ERBB4: variants seen among roughly 807,000 people sequenced by gnomAD.
ERBB4 encodes erb-b2 receptor tyrosine kinase 4.
In ERBB4, 42 loss-of-function variants were observed where a neutral mutation model predicts 158.0. The ratio of observed to expected loss-of-function variants is 0.27; its 90% confidence interval spans 0.21 to 0.34. ERBB4 has a LOEUF of 0.34. Ranked by LOEUF, ERBB4 falls within the 10% of genes least tolerant of loss-of-function variation. The probability of loss-of-function intolerance (pLI) is 1.00; values close to 1 mark genes in which losing one functional copy is unlikely to be tolerated. For synonymous variants in ERBB4, 583 were observed against 558.7 expected (o/e 1.04, Z -0.61); for missense variants, 1,333 against 1,624.1 (o/e 0.82, Z 3.08).
At chr2:211,984,003 C>T (rs2081872599) in intron 2 of ERBB4, among the ~76,000 whole-genome samples, 1 of 152,086 alleles carries the variant, frequency 6.6e-6, no homozygotes, top group Admixed American at 6.5e-5. Context: ...AATCTATAAA[C>T]AAGAGAAATG....
chr2:212,385,184 C>T (rs966101112), intron 1 of ERBB4, among the ~76,000 whole-genome samples: 1 of 151,482 alleles, frequency 6.6e-6, no homozygotes, highest in Non-Finnish European at 1.5e-5. Context: ...CAGGCAATGG[C>T]TGTAAAAATG....
chr2:212,064,129 C>T (rs1266295838), intron 2 of ERBB4, among the ~76,000 whole-genome samples: 1 of 151,838 alleles, frequency 6.6e-6, no homozygotes, highest in African/African-American at 2.4e-5. Flanking sequence ...GAAGTAATTC[C>T]CCAGAAGGAA....
chr2:211,774,064 C>T (rs1304749858), intron 4 of ERBB4, among the ~76,000 whole-genome samples: 1 of 149,772 alleles, frequency 6.7e-6, no homozygotes, highest in Non-Finnish European at 1.5e-5. Context: ...TCTGTGGTCA[C>T]CCCAACCAAT....
At chr2:211,660,740 A>T (rs1053079940) in intron 15 of ERBB4, among the ~76,000 whole-genome samples, 1 of 152,228 alleles carries the variant, frequency 6.6e-6, no homozygotes, top group African/African-American at 2.4e-5. Flanking sequence ...AGAAGATATA[A>T]AAAGTAAGAA....
At chr2:212,233,828 T>C (rs2083749662) in intron 1 of ERBB4, among the ~76,000 whole-genome samples, 1 of 152,096 alleles carries the variant, frequency 6.6e-6, no homozygotes, top group Non-Finnish European at 1.5e-5. Context: ...TACACTTTTG[T>C]GCATGTATTT....
chr2:212,266,491 T>C (rs191306926), intron 1 of ERBB4, among the ~76,000 whole-genome samples: 1 of 152,048 alleles, frequency 6.6e-6, no homozygotes, highest in East Asian at 1.9e-4. Flanking sequence ...AGGCTTTCGA[T>C]TTTTTTAAAG....
At chr2:212,176,955 A>G (rs1469820846) in intron 1 of ERBB4, among the ~76,000 whole-genome samples, 9 of 151,950 alleles carry the variant, frequency 5.9e-5, no homozygotes, top group Non-Finnish European at 1.3e-4. Context: ...TTAAACTAAA[A>G]TAATTCTTTT....
At chr2:211,501,533 TTGTG>T (rs1559232368) in intron 20 of ERBB4, among the ~76,000 whole-genome samples, 1 of 151,828 alleles carries the variant, frequency 6.6e-6, no homozygotes, top group African/African-American at 2.4e-5. Flanking sequence ...TTTGATTTGC[TTGTG>T]TGTTTTTTTT....
intron 20 of ERBB4, among the ~76,000 whole-genome samples, chr2:211,497,088 T>C (rs2125583528): frequency 6.6e-6 from 1 of 152,274 alleles, no homozygotes; most frequent in South Asian, 2.1e-4. Flanking sequence ...ATTTATTGAA[T>C]GCATGCATGA....
At chr2:212,421,979 GA>G (rs1374974722) in intron 1 of ERBB4, among the ~76,000 whole-genome samples, 1 of 152,140 alleles carries the variant, frequency 6.6e-6, no homozygotes, top group Non-Finnish European at 1.5e-5. Context: ...CAAACATGCA[GA>G]AAAGAGTTAT....
In ERBB4 at chr2:212,155,210, A is replaced by AAAT. The variant is rs138135081; in HGVS notation, c.83-30310_83-30308dup. Among the ~76,000 whole-genome samples, 534 of 152,252 alleles carry AAAT rather than the reference A, an allele frequency of 3.5e-3. 2 individuals carry two copies. The highest frequency in any genetic ancestry group is 0.012 in the African/African-American group (509 of 41,548). ...TTTCAGAGAAAAATGTTGATGCGAC[A>AAAT]AATAATAACTCATAATTATTTACCC... On this transcript the variant is annotated intron_variant, in intron 1 of 27. Transcript: ENST00000342788.
At chr2:212,236,239 A>C (rs1242434562) in intron 1 of ERBB4, among the ~76,000 whole-genome samples, 1 of 152,044 alleles carries the variant, frequency 6.6e-6, no homozygotes, top group Admixed American at 6.6e-5. Flanking sequence ...GGTTTTTGTC[A>C]TTGGTTTTGT....
At chr2:212,298,561 C>G (rs2086502106) in intron 1 of ERBB4, among the ~76,000 whole-genome samples, 1 of 151,694 alleles carries the variant, frequency 6.6e-6, no homozygotes, top group Non-Finnish European at 1.5e-5. Context: ...GTAGGCAAGA[C>G]AAGAGTAGTA....
chr2:212,398,338 A>C (rs1311560007), intron 1 of ERBB4, among the ~76,000 whole-genome samples: 2 of 152,082 alleles, frequency 1.3e-5, no homozygotes. Flanking sequence ...GTATTAGTAA[A>C]ACCAAACTTT....
chr2:212,443,110 G>C (rs548377738), intron 1 of ERBB4, among the ~76,000 whole-genome samples: 1 of 152,160 alleles, frequency 6.6e-6, no homozygotes, highest in African/African-American at 2.4e-5. Context: ...ATTCCTGTCC[G>C]TAAGGCCCAC....
chr2:212,442,352 C>T (rs1194936404), intron 1 of ERBB4, among the ~76,000 whole-genome samples: 2 of 152,240 alleles, frequency 1.3e-5, no homozygotes, highest in Admixed American at 6.5e-5. Flanking sequence ...AGGCTGGGTC[C>T]CTTTGAGGAA....
At chr2:211,506,882 A>C (rs1428482526) in intron 20 of ERBB4, among the ~76,000 whole-genome samples, 1 of 152,112 alleles carries the variant, frequency 6.6e-6, no homozygotes, top group Admixed American at 6.5e-5. Context: ...AGCAGAACTA[A>C]ATGAGATTGA....
At chr2:212,379,808 T>C (rs1005158036) in intron 1 of ERBB4, among the ~76,000 whole-genome samples, 2 of 151,488 alleles carry the variant, frequency 1.3e-5, no homozygotes, top group African/African-American at 4.8e-5. Context: ...CCTCTGTGTG[T>C]GTGTGTGTGT....
chr2:212,276,537 G>A (rs923080234), intron 1 of ERBB4, among the ~76,000 whole-genome samples: 1 of 151,768 alleles, frequency 6.6e-6, no homozygotes, highest in Non-Finnish European at 1.5e-5. Flanking sequence ...AAGGGAAGGA[G>A]CAATGAGAAG....
Sources: gnomAD v4.1 joint callset for allele counts (sites outside exome capture counted in the v4.1 genomes callset) on GRCh38, gnomAD v4.1.1 for gene constraint, MANE v1.5 for transcripts, NCBI Gene and HGNC (gene_info 2026-07-23, HGNC 2026-07-21) for gene names.